The following TTC31 variants were observed in gnomAD, a reference collection of about 807,000 sequenced individuals.
TTC31 encodes tetratricopeptide repeat protein 31.
In TTC31, 59 loss-of-function variants were observed where a neutral mutation model predicts 60.4. The observed-to-expected ratio is 0.98, with a 90% CI of 0.79 to 1.21. The LOEUF is 1.21. TTC31 is among the 50% of genes most tolerant of loss of function. The pLI, the probability that TTC31 is intolerant of heterozygous loss-of-function variation, is 0.00. For synonymous variants in TTC31, 225 were observed against 249.6 expected (o/e 0.90, Z 0.93); for missense variants, 672 against 646.9 (o/e 1.04, Z -0.42).
intron 5 of TTC31, 171 bp downstream of exon 5, chr2:74,490,910 A>T: frequency 1.1e-6 from 1 of 887,458 alleles, no homozygotes; most frequent in Non-Finnish European, 1.7e-6. Context: ...CATCTGGTGC[A>T]GTGGTTCTGG....
intron 4 of TTC31, 35 bp from the exon 5 acceptor site, chr2:74,490,619 TTC>T: frequency 1.2e-6 from 2 of 1,606,624 alleles, no homozygotes; most frequent in Non-Finnish European, 8.5e-7. Context: ...ATTTCCCTGT[TTC>T]TCTCTTTTTC....
intron 12 of TTC31, 27 bp from the exon 13 acceptor site, chr2:74,492,895 C>A (rs1180229616): frequency 6.3e-7 from 1 of 1,586,566 alleles, no homozygotes; most frequent in Admixed American, 1.7e-5. Flanking sequence ...AAAGAAGGAT[C>A]TGGTGCCCTT....
At chr2:74,486,450 T>C (rs1174516462) in intron 2 of TTC31, among the ~76,000 whole-genome samples, 3 of 152,156 alleles carry the variant, frequency 2.0e-5, no homozygotes, top group Non-Finnish European at 2.9e-5. Context: ...GACCAAAATC[T>C]TTCTGTTCAA....
chr2:74,492,877 C>T, intron 12 of TTC31, 45 bp from the exon 13 acceptor site: 1 of 1,580,290 alleles, frequency 6.3e-7, no homozygotes, highest in Non-Finnish European at 8.6e-7. Context: ...CATGGGCTCT[C>T]CTGCTTAAAA....
In TTC31 at chr2:74,491,646, A is replaced by G. The variant is rs912090664; in HGVS notation, c.850A>G (p.Arg284Gly). The G allele has an allele frequency of 3.1e-6, 5 of 1,614,044 alleles. No individual in the cohort carries two copies. The highest frequency in any genetic ancestry group is 4.2e-6 in the Non-Finnish European group (5 of 1,180,004). Residue 284 changes from arginine (R) to glycine (G), a missense_variant, in exon 8 of 13, where the codon AGG becomes GGG. Arg to Gly is a moderately radical substitution (Grantham distance 125). Coordinates refer to ENST00000233623, the MANE Select transcript of TTC31 (RefSeq NM_022492.6). ...GGAAGAGAGCCCTCCAAGAGAGGAGAGGCCCCAGCAGAGTCCAAAGGTACA... is the reference window on the plus strand; with the variant it reads ...GGAAGAGAGCCCTCCAAGAGAGGAGGGGCCCCAGCAGAGTCCAAAGGTACA... ...QEEESPPREE[R>G]PQQSPKVQAS...
chr2:74,483,094 C>G lies in TTC31; in HGVS notation c.-2C>G. On this transcript the variant is annotated 5_prime_UTR_variant, in exon 1 of 13. Transcript: ENST00000233623. ...TTTCATTTCCGGGTCACTGTAGATG[C>G]GATGGCGCCGATTCCAAAGACTGTG... 1 of 1,614,208 alleles carries G rather than the reference C, an allele frequency of 6.2e-7. No individual in the cohort carries two copies. Among genetic ancestry groups the G allele is most frequent in the South Asian group, 1.1e-5 (1 of 91,090 alleles).
chr2:74,493,350 T>G lies in TTC31; in HGVS notation c.*132T>G. On this transcript the variant is annotated 3_prime_UTR_variant, in exon 13 of 13. Coordinates refer to ENST00000233623, the MANE Select transcript of TTC31 (RefSeq NM_022492.6). The stretch of plus-strand genomic sequence containing the variant: ...ATAGTTAATGATGCCCTGGCAGTCA[T>G]TCCTCTTGCCATGGGGAAGCTTCTG... 2 of 970,324 alleles carry G rather than the reference T, an allele frequency of 2.1e-6. No homozygotes were observed. The highest frequency in any genetic ancestry group is 3.0e-6 in the Non-Finnish European group (2 of 676,186). 60.1% of individuals were successfully genotyped at this position (970,324 alleles called of 1,614,324 possible).
At chr2:74,486,620 TG>T (rs1210632024) in intron 2 of TTC31, among the ~76,000 whole-genome samples, 1 of 152,060 alleles carries the variant, frequency 6.6e-6, no homozygotes, top group East Asian at 1.9e-4. Context: ...AGGCCAAGTG[TG>T]GTGGCTCACG....
chr2:74,490,022 C>A lies in TTC31; in HGVS notation c.130-3C>A. 1 of 1,553,798 alleles carries A rather than the reference C, an allele frequency of 6.4e-7. No individual in the cohort carries two copies. The highest frequency in any genetic ancestry group is 8.7e-7 in the Non-Finnish European group (1 of 1,147,706). ...CCTCCCCTCCCCTCCCCTCCCCTCCCAGGACATAGTGGATTTTCTTCGACG... is the reference window on the plus strand; with the variant it reads ...CCTCCCCTCCCCTCCCCTCCCCTCCAAGGACATAGTGGATTTTCTTCGACG... On this transcript the variant is annotated splice_region_variant and splice_polypyrimidine_tract_variant and intron_variant, in intron 2 of 12. Transcript: ENST00000233623.
In TTC31 at chr2:74,491,527, A is replaced by G. The variant is rs780492388; in HGVS notation, c.731A>G (p.Lys244Arg). The change falls in exon 8 of 13, where the codon AAG becomes AGG. Residue 244 changes from lysine (K) to arginine (R), a missense_variant. Coordinates refer to ENST00000233623, the MANE Select transcript of TTC31 (RefSeq NM_022492.6). Reference sequence around the variant, plus strand: ...ACTTTTGTGTCTCTGGCTTTGCGCAAGGTTGGGGATTGGCCCCTCAGTGCC... The same window carrying G: ...ACTTTTGTGTCTCTGGCTTTGCGCAGGGTTGGGGATTGGCCCCTCAGTGCC... ...SSTFVSLALR[K>R]VGDWPLSARR... is the part of the protein sequence containing the mutation. 4 of 1,613,762 alleles carry G rather than the reference A, an allele frequency of 2.5e-6. No individual in the cohort carries two copies. Among genetic ancestry groups the G allele is most frequent in the East Asian group, 4.5e-5 (2 of 44,858 alleles).
At position 74,492,464 on chromosome 2, in the gene TTC31, G is replaced by A. The variant is rs1674031551; in HGVS notation, c.1161+19G>A. On this transcript the variant is annotated intron_variant, in intron 11 of 12. Coordinates refer to ENST00000233623, the MANE Select transcript of TTC31 (RefSeq NM_022492.6). ...ACTACAGGTAATAGGTCTGGGGCTG[G>A]AAACAGGAGAGATTTGAGTGGGATG... 1 of 1,522,956 alleles carries A rather than the reference G, an allele frequency of 6.6e-7. No individual in the cohort carries two copies. The highest frequency in any genetic ancestry group is 1.3e-5 in the South Asian group (1 of 75,704). 94.3% of individuals were successfully genotyped at this position (1,522,956 alleles called of 1,614,324 possible). A position where few individuals can be genotyped will look rare whatever the true frequency, so the allele number is the denominator to read the frequency against.
At chr2:74,492,799 G>A in intron 12 of TTC31, 52 bp downstream of exon 12, 1 of 1,602,270 alleles carries the variant, frequency 6.2e-7, no homozygotes, top group Non-Finnish European at 8.5e-7. Context: ...GGGAGAATTG[G>A]CTGGGACTGC....
rs557726279 is a variant in TTC31 at position 74,492,951 on chromosome 2, A to G, written c.1293A>G (p.Pro431=). ...LQGQRGGICA[P]PLSPGALQPL... ...GTCAGCGAGGAGGAATCTGTGCACCACCTCTGTCACCTGGGGCCCTCCAGC... is the reference window on the plus strand; with the variant it reads ...GTCAGCGAGGAGGAATCTGTGCACCGCCTCTGTCACCTGGGGCCCTCCAGC... The change falls in exon 13 of 13, where the codon CCA becomes CCG. Residue 431 remains proline, a synonymous_variant. Coordinates refer to ENST00000233623, the MANE Select transcript of TTC31 (RefSeq NM_022492.6). The G allele has an allele frequency of 1.9e-5, 31 of 1,611,996 alleles. No homozygotes were observed. In the East Asian group the frequency reaches 2.9e-4, roughly 15 times the overall value.
chr2:74,483,421 C>T lies in TTC31; in HGVS notation c.129+11C>T, dbSNP rs368872326. On this transcript the variant is annotated intron_variant, in intron 2 of 12. Coordinates refer to ENST00000233623, the MANE Select transcript of TTC31 (RefSeq NM_022492.6). ...GATTACGGCGAAGAGGTAAAAGCGA[C>T]CCTCAGTTTCCCCCAGTCCTGCTCA... The T allele has an allele frequency of 2.3e-5, 37 of 1,614,048 alleles. No individual in the cohort carries two copies. The highest frequency in any genetic ancestry group is 2.7e-5 in the Non-Finnish European group (32 of 1,180,022).
In TTC31 at chr2:74,490,101, G is replaced by T. The variant is rs1197831587; in HGVS notation, c.206G>T (p.Ser69Ile). 6.3e-7 allele frequency: 1 copy of T among 1,592,572 alleles called. No homozygotes were observed. The highest frequency in any genetic ancestry group is 8.6e-7 in the Non-Finnish European group (1 of 1,169,284). ...GLHRIHVDGSSGRLQLWHHDY... is the reference protein window; with the variant it reads ...GLHRIHVDGSIGRLQLWHHDY... ...CACCGGATCCATGTGGATGGGAGCAGCGGGCGGCTGCAGCTGTGGCACCAT... is the reference window on the plus strand; with the variant it reads ...CACCGGATCCATGTGGATGGGAGCATCGGGCGGCTGCAGCTGTGGCACCAT... Residue 69 changes from serine (S) to isoleucine (I), a missense_variant, in exon 3 of 13, where the codon AGC becomes ATC. Transcript: ENST00000233623.
At chr2:74,485,471 T>C (rs1239964525) in intron 2 of TTC31, among the ~76,000 whole-genome samples, 1 of 31,604 alleles carries the variant, frequency 3.2e-5, no homozygotes, top group Non-Finnish European at 3.4e-4. Context: ...CAGTATTTCT[T>C]TTTTTTTTTT....
chr2:74,483,223 G>C (rs1672638530), intron 1 of TTC31, 88 bp downstream of exon 1: 1 of 1,613,334 alleles, frequency 6.2e-7, no homozygotes, highest in Non-Finnish European at 8.5e-7. Flanking sequence ...TTTCGAGTAG[G>C]ATTTTATGCA....
chr2:74,491,840 G>C, intron 8 of TTC31, 164 bp from the exon 9 acceptor site: 1 of 1,396,362 alleles, frequency 7.2e-7, no homozygotes, highest in Non-Finnish European at 9.8e-7. Flanking sequence ...GACCCCGGGT[G>C]GTTTCCTGTC....
At chr2:74,487,682 A>T (rs114321775) in intron 2 of TTC31, among the ~76,000 whole-genome samples, 8,112 of 151,388 alleles carry the variant, frequency 0.054, 731 homozygotes, top group African/African-American at 0.18. Context: ...TTAATTAATT[A>T]ATTTATTTAT....
Sources: allele counts gnomAD v4.1 joint callset (sites outside exome capture counted in the v4.1 genomes callset), GRCh38; gene constraint gnomAD v4.1.1; transcripts MANE v1.5; gene names NCBI Gene and HGNC (gene_info 2026-07-23, HGNC 2026-07-21).